The following PLEKHM1 variants were observed in gnomAD, a reference collection of about 807,000 sequenced individuals.
PLEKHM1 encodes the protein pleckstrin homology domain-containing family M member 1.
Under a neutral mutation model 94.3 loss-of-function variants are expected in PLEKHM1, and 28 were observed. That is an observed-to-expected ratio of 0.30 (90% CI 0.22 to 0.41). The LOEUF is 0.41. Ranked by LOEUF, PLEKHM1 falls within the 10% of genes least tolerant of loss-of-function variation. PLEKHM1 has a pLI of 1.00. For synonymous variants in PLEKHM1, 424 were observed against 581.2 expected (o/e 0.73, Z 3.89); for missense variants, 907 against 1,358.6 (o/e 0.67, Z 5.22).
Position 45,437,413 on chromosome 17 carries a change from C to T in PLEKHM1, c.*445G>A, listed in dbSNP as rs771211470. The T allele has an allele frequency of 1.0e-4, 47 of 454,830 alleles. No individual in the cohort carries two copies. Among genetic ancestry groups the T allele is most frequent in the East Asian group, 6.2e-4 (9 of 14,432 alleles). 28.2% of individuals were successfully genotyped at this position (454,830 alleles called of 1,614,324 possible). On this transcript the variant is annotated 3_prime_UTR_variant, in exon 12 of 12. Transcript: ENST00000430334. The surrounding 1 kb of genome is among the most constrained non-coding windows in gnomAD (Gnocchi z 4.0). ...ATGTCTGGATTTCATGGGTGACTCA[C>T]GTAGGGTCAAGAATAAAAAAATACT...
At chr17:45,446,371 C>T (rs1051195616) in intron 8 of PLEKHM1, 2 of 152,916 alleles carry the variant, frequency 1.3e-5, no homozygotes, top group African/African-American at 2.4e-5. Flanking sequence ...GTCCCTGTCC[C>T]CGTTTTCTAG....
intron 8 of PLEKHM1, among the ~76,000 whole-genome samples, chr17:45,448,354 GCCC>G (rs2050674546): frequency 6.6e-6 from 1 of 152,252 alleles, no homozygotes; most frequent in African/African-American, 2.4e-5. Context: ...GGGTTTCCCC[GCCC>G]CAGGGAGGTG....
chr17:45,463,368 C>G (rs1268240195), intron 5 of PLEKHM1, among the ~76,000 whole-genome samples: 1 of 152,150 alleles, frequency 6.6e-6, no homozygotes, highest in Non-Finnish European at 1.5e-5. Flanking sequence ...AGAGTGCATG[C>G]ATGAACACCA....
In PLEKHM1 at chr17:45,478,033, C is replaced by T; in HGVS notation, c.163G>A (p.Glu55Lys). 1.2e-6 allele frequency: 2 copies of T among 1,614,212 alleles called. No homozygotes were observed. Among genetic ancestry groups the T allele is most frequent in the Non-Finnish European group, 8.5e-7 (1 of 1,180,036 alleles). ...GDANTMCSAL[E>K]AVFIHGLHAK... ...TGCAGGCCATGGATAAATACGGCCT[C>T]CAGGGCGCTGCACATGGTGTTGGCA... The change falls in exon 3 of 12, where the codon GAG (glutamate) becomes AAG (lysine). Residue 55 changes from glutamate (E) to lysine (K), a missense_variant. Glu to Lys is a moderately conservative substitution (Grantham distance 56). Transcript: ENST00000430334.
Position 45,453,714 on chromosome 17 carries a change from A to C in PLEKHM1, c.2138T>G (p.Phe713Cys). The C allele has an allele frequency of 6.2e-7, 1 of 1,613,876 alleles. No individual in the cohort carries two copies. The highest frequency in any genetic ancestry group is 8.5e-7 in the Non-Finnish European group (1 of 1,179,840). ...CATCTTCTCATTGTTCCTGATGCGG[A>C]AACATTTCAGAGCCTCCAAGGACAG... ...FSLSLEALKC[F>C]RIRNNEKMLS... is the part of the protein sequence containing the mutation. Residue 713 changes from phenylalanine (F) to cysteine (C), a missense_variant, in exon 7 of 12, where the codon TTC becomes TGC. Phe to Cys is a radical substitution (Grantham distance 205). This residue lies in a region of PLEKHM1 where 477 missense variants were observed against 601.5 expected (regional missense o/e 0.79). Coordinates refer to ENST00000430334, the MANE Select transcript of PLEKHM1 (RefSeq NM_014798.3). The surrounding 1 kb of genome is among the most constrained non-coding windows in gnomAD (Gnocchi z 4.1).
chr17:45,470,958 G>A (rs914024713), intron 4 of PLEKHM1, among the ~76,000 whole-genome samples: 2 of 151,950 alleles, frequency 1.3e-5, no homozygotes, highest in African/African-American at 4.8e-5. Context: ...GAGCCACTGT[G>A]CCTGGCCAAA....
rs560508173 is a variant in PLEKHM1, at chr17:45,489,495, T to G, written c.-42+1157A>C. On this transcript the variant is annotated intron_variant, in intron 1 of 11. Coordinates refer to ENST00000430334, the MANE Select transcript of PLEKHM1 (RefSeq NM_014798.3). Reference sequence around the variant, plus strand: ...AGTGAGCTGAGTGAGTGGCCGTCTCTCACCTTCCAGATATTTGAATGATAC... The same window carrying G: ...AGTGAGCTGAGTGAGTGGCCGTCTCGCACCTTCCAGATATTTGAATGATAC... Among the ~76,000 whole-genome samples, 6 of 152,288 alleles carry G rather than the reference T, an allele frequency of 3.9e-5. No individual in the cohort carries two copies. The East Asian group carries it at 9.6e-4, about 24-fold the overall frequency.
intron 1 of PLEKHM1, among the ~76,000 whole-genome samples, chr17:45,485,578 G>A (rs920208595): frequency 6.6e-6 from 1 of 152,152 alleles, no homozygotes; most frequent in African/African-American, 2.4e-5. Context: ...GTAAGTGAGT[G>A]CTCTGGCCAA....
rs1377508441 is a variant in PLEKHM1, at chr17:45,437,499, T to C, written c.*359A>G. ...AAAAACTAGACCTTTTAATCAGGAA[T>C]GTGGAATTGAAAATGCTCCCCAAGT... is the stretch of plus-strand genomic sequence containing the variant. On this transcript the variant is annotated 3_prime_UTR_variant, in exon 12 of 12. Coordinates refer to ENST00000430334, the MANE Select transcript of PLEKHM1 (RefSeq NM_014798.3). This position sits in a 1 kb window ranked among gnomAD's most constrained non-coding sequence, Gnocchi z 4.0. The C allele has an allele frequency of 5.7e-6, 3 of 529,008 alleles. No individual in the cohort carries two copies. Among genetic ancestry groups the C allele is most frequent in the Non-Finnish European group, 1.1e-5 (3 of 276,022 alleles). 32.8% of individuals were successfully genotyped at this position (529,008 alleles called of 1,614,324 possible). A position where few individuals can be genotyped will look rare whatever the true frequency, so the allele number is the denominator to read the frequency against.
Position 45,446,826 on chromosome 17 carries a change from C to T in PLEKHM1, c.2644-1163G>A, listed in dbSNP as rs2050621229. 2.6e-5 allele frequency among the ~76,000 whole-genome samples: 4 copies of T among 152,072 alleles called. No homozygotes were observed. The South Asian group carries it at 8.3e-4, about 32-fold the overall frequency. On this transcript the variant is annotated intron_variant, in intron 8 of 11. Transcript: ENST00000430334. ...TTCGGAGTCAGAATGGAATTGAATC[C>T]TGCCTCCACCACTTTATACCTGTAT...
intron 1 of PLEKHM1, among the ~76,000 whole-genome samples, chr17:45,487,096 G>A (rs1211816938): frequency 7.9e-5 from 12 of 152,186 alleles, no homozygotes; most frequent in Non-Finnish European, 1.3e-4. Flanking sequence ...AAGGGCTCTT[G>A]AACATGACGG....
chr17:45,456,519 T>C (rs942495616), intron 6 of PLEKHM1: 6 of 152,282 alleles, frequency 3.9e-5, no homozygotes, highest in African/African-American at 1.2e-4. Context: ...CACTATTCTA[T>C]GGGGGTTCCC....
intron 2 of PLEKHM1, among the ~76,000 whole-genome samples, chr17:45,479,817 C>T (rs2051888101): frequency 6.6e-6 from 1 of 152,196 alleles, no homozygotes; most frequent in Admixed American, 6.5e-5. Context: ...CATAGAAATA[C>T]TCAATAAATG....
chr17:45,468,817 G>A (rs1448254976), intron 4 of PLEKHM1, among the ~76,000 whole-genome samples: 1 of 152,230 alleles, frequency 6.6e-6, no homozygotes, highest in East Asian at 1.9e-4. Flanking sequence ...GTGATTTGTG[G>A]AGCCTGGGAT....
chr17:45,453,421 G>A lies in PLEKHM1; in HGVS notation c.2431C>T (p.Leu811=). ...LKFATRENGF[L]LQYLVAIPME... is the part of the protein sequence containing the mutation. ...GGGATAGCCACCAGGTACTGCAGCAGGAAGCCATTCTCCCGGGTGGCAAAT... is the reference window on the plus strand; with the variant it reads ...GGGATAGCCACCAGGTACTGCAGCAAGAAGCCATTCTCCCGGGTGGCAAAT... Residue 811 remains leucine, a synonymous_variant, in exon 7 of 12, where the codon CTG becomes TTG. Coordinates refer to ENST00000430334, the MANE Select transcript of PLEKHM1 (RefSeq NM_014798.3). This position sits in a 1 kb window ranked among gnomAD's most constrained non-coding sequence, Gnocchi z 4.1. 1 of 1,613,716 alleles carries A rather than the reference G, an allele frequency of 6.2e-7. No individual in the cohort carries two copies.
chr17:45,474,305 C>T (rs1156883302), intron 4 of PLEKHM1, among the ~76,000 whole-genome samples: 6 of 152,154 alleles, frequency 3.9e-5, no homozygotes, highest in Non-Finnish European at 8.8e-5. Context: ...GATCCACCTG[C>T]CTTGGCCTCC....
Position 45,475,299 on chromosome 17 carries a change from G to GT in PLEKHM1, c.723dup (p.Arg242ThrfsTer28). On this transcript the variant is annotated frameshift_variant, in exon 4 of 12. Transcript: ENST00000430334. LOFTEE classifies it high-confidence loss of function. ...GAGGCAGTCAGCTTCTGGTTCCTCC[G>GT]TATCTTATGGCCCGAGTGATGGACT... The GT allele has an allele frequency of 6.2e-7, 1 of 1,613,956 alleles. No individual in the cohort carries two copies. The highest frequency in any genetic ancestry group is 8.5e-7 in the Non-Finnish European group (1 of 1,179,874).
chr17:45,437,195 A>G lies in PLEKHM1; in HGVS notation c.*663T>C, dbSNP rs571561944. On this transcript the variant is annotated 3_prime_UTR_variant, in exon 12 of 12. Transcript: ENST00000430334. The surrounding 1 kb of genome is among the most constrained non-coding windows in gnomAD (Gnocchi z 4.0). ...CGAGACGCACTGGGGTGGGGAGTAA[A>G]GAGGACACAGAGGAACCGGGGTCGC... is the stretch of plus-strand genomic sequence containing the variant. 1 of 452,472 alleles carries G rather than the reference A, an allele frequency of 2.2e-6. No individual in the cohort carries two copies. Among genetic ancestry groups the G allele is most frequent in the Admixed American group, 2.3e-5 (1 of 42,554 alleles). 28.0% of individuals were successfully genotyped at this position (452,472 alleles called of 1,614,324 possible). A position where few individuals can be genotyped will look rare whatever the true frequency, so the allele number is the denominator to read the frequency against.
chr17:45,446,489 A>G (rs1276788373), intron 8 of PLEKHM1, among the ~76,000 whole-genome samples: 2 of 152,056 alleles, frequency 1.3e-5, no homozygotes, highest in African/African-American at 2.4e-5. Context: ...CTGCTGCACT[A>G]ATCAGAAGCC....
Sources: gnomAD v4.1 joint callset for allele counts (sites outside exome capture counted in the v4.1 genomes callset) on GRCh38, gnomAD v4.1.1 for gene constraint, gnomAD v4.1.1 regional missense constraint, Gnocchi (gnomAD v3.1) non-coding constraint, MANE v1.5 for transcripts, NCBI Gene and HGNC (gene_info 2026-07-23, HGNC 2026-07-21) for gene names.